Variants in KCNQ1 observed in about 807,000 individuals in gnomAD.
The protein encoded by KCNQ1 is potassium voltage-gated channel subfamily KQT member 1.
In KCNQ1, 49 loss-of-function variants were observed where a neutral mutation model predicts 72.4. The ratio of observed to expected loss-of-function variants is 0.68; its 90% confidence interval spans 0.54 to 0.86. The LOEUF is 0.86. Ranked by LOEUF, KCNQ1 falls within the 40% of genes least tolerant of loss-of-function variation. The pLI is 0.00. For missense variants in KCNQ1, 790 were observed against 945.1 expected (o/e 0.84, Z 2.15); for synonymous variants, 450 against 412.6 (o/e 1.09, Z -1.10).
intron 11 of KCNQ1, among the ~76,000 whole-genome samples, chr11:2,708,277 C>G (rs1186224186): frequency 6.6e-6 from 1 of 152,208 alleles, no homozygotes; most frequent in South Asian, 2.1e-4. Flanking sequence ...CAACAGGATC[C>G]CTTTCCTCAC....
At chr11:2,789,477 T>C (rs544664136) in intron 15 of KCNQ1, among the ~76,000 whole-genome samples, 1 of 152,330 alleles carries the variant, frequency 6.6e-6, no homozygotes, top group East Asian at 1.9e-4. Flanking sequence ...GCAGCCCCAG[T>C]GCCCGCCACA....
intron 2 of KCNQ1, among the ~76,000 whole-genome samples, chr11:2,542,131 C>T (rs926748228): frequency 1.3e-5 from 2 of 152,252 alleles, no homozygotes; most frequent in African/African-American, 2.4e-5. Context: ...GGTCCACACA[C>T]GTCACCAATC....
At chr11:2,582,245 G>T (rs1848511759) in intron 6 of KCNQ1, among the ~76,000 whole-genome samples, 1 of 152,220 alleles carries the variant, frequency 6.6e-6, no homozygotes, top group African/African-American at 2.4e-5. Flanking sequence ...GTGCGCCTGT[G>T]CACCCCTGCC....
rs141228496 is a variant in KCNQ1 at position 2,536,188 on chromosome 11, C to T, written c.477+8170C>T. Among the ~76,000 whole-genome samples the T allele has an allele frequency of 6.7e-3, 1,019 of 152,356 alleles. 9 individuals are homozygous for T. Among genetic ancestry groups the T allele is most frequent in the African/African-American group, 0.02 (817 of 41,586 alleles). ...GAGCTCAGGCTCAGGGCAGCAGGGGCGCTCAGCTGGGCCGCGGCTCCACGG... is the reference window on the plus strand; with the variant it reads ...GAGCTCAGGCTCAGGGCAGCAGGGGTGCTCAGCTGGGCCGCGGCTCCACGG... On this transcript the variant is annotated intron_variant, in intron 2 of 15. Coordinates refer to ENST00000155840, the MANE Select transcript of KCNQ1 (RefSeq NM_000218.3). The surrounding 1 kb of genome is among the most constrained non-coding windows in gnomAD (Gnocchi z 7.4).
At chr11:2,472,742 C>T (rs1228152167) in intron 1 of KCNQ1, among the ~76,000 whole-genome samples, 2 of 152,118 alleles carry the variant, frequency 1.3e-5, no homozygotes, top group Admixed American at 6.5e-5. Context: ...TGTCAGGCTC[C>T]TTCCCTGTCT....
chr11:2,819,967 A>G (rs1847697981), intron 15 of KCNQ1, among the ~76,000 whole-genome samples: 1 of 152,124 alleles, frequency 6.6e-6, no homozygotes, highest in African/African-American at 2.4e-5. Flanking sequence ...ATTCATTCCT[A>G]ATTCTTATTT....
chr11:2,838,922 G>C (rs1022315830), intron 15 of KCNQ1, among the ~76,000 whole-genome samples: 1 of 151,410 alleles, frequency 6.6e-6, no homozygotes, highest in East Asian at 1.9e-4. Context: ...CACAAACACG[G>C]CTCCTGGGCC....
intron 10 of KCNQ1, chr11:2,614,746 T>G (rs929886906): frequency 1.3e-5 from 5 of 398,338 alleles, no homozygotes; most frequent in Admixed American, 4.4e-5. Flanking sequence ...TCCATCCTTG[T>G]GTCCTAGAGA....
At position 2,571,416 on chromosome 11, in the gene KCNQ1, C is replaced by G. The variant is rs764124198; in HGVS notation, c.683+13C>G. 6.2e-7 allele frequency: 1 copy of G among 1,606,158 alleles called. No homozygotes were observed. Among genetic ancestry groups the G allele is most frequent in the Non-Finnish European group, 8.5e-7 (1 of 1,178,074 alleles). ...CGTCGGCCATCAGGTGCGTCTGTGCCACAAGCTCCCCCCGCCATGCCGCCC... is the reference window on the plus strand; with the variant it reads ...CGTCGGCCATCAGGTGCGTCTGTGCGACAAGCTCCCCCCGCCATGCCGCCC... On this transcript the variant is annotated intron_variant, in intron 4 of 15. Transcript: ENST00000155840.
At chr11:2,510,481 T>C (rs963891075) in intron 1 of KCNQ1, among the ~76,000 whole-genome samples, 23 of 150,114 alleles carry the variant, frequency 1.5e-4, no homozygotes, top group Admixed American at 4.6e-4. Context: ...GTGGCTCACA[T>C]CTGTAGTCCC....
intron 1 of KCNQ1, among the ~76,000 whole-genome samples, chr11:2,527,554 C>A (rs981097169): frequency 6.6e-6 from 1 of 152,218 alleles, no homozygotes; most frequent in Non-Finnish European, 1.5e-5. Flanking sequence ...AAACCCCACG[C>A]CCACAGCAGT....
intron 15 of KCNQ1, among the ~76,000 whole-genome samples, chr11:2,843,279 C>A (rs1848251212): frequency 6.6e-6 from 1 of 152,252 alleles, no homozygotes; most frequent in African/African-American, 2.4e-5. Context: ...CCACTTGTGC[C>A]CAGCTCCACA....
At position 2,603,584 on chromosome 11, in the gene KCNQ1, G is replaced by C. The variant is rs1471216047; in HGVS notation, c.1393+14730G>C. Among the ~76,000 whole-genome samples, 1 of 151,992 alleles carries C rather than the reference G, an allele frequency of 6.6e-6. No individual in the cohort carries two copies. Among genetic ancestry groups the C allele is most frequent in the African/African-American group, 2.4e-5 (1 of 41,372 alleles). Reference sequence around the variant, plus strand: ...GCAATAACTAATCTTTCTCTCTATGGGTTTGCCTATTCTGGACATTTTATA... The same window carrying C: ...GCAATAACTAATCTTTCTCTCTATGCGTTTGCCTATTCTGGACATTTTATA... On this transcript the variant is annotated intron_variant, in intron 10 of 15. Transcript: ENST00000155840. The surrounding 1 kb of genome is among the most constrained non-coding windows in gnomAD (Gnocchi z 4.1).
rs1850187390 is a variant in KCNQ1 at position 2,671,757 on chromosome 11, A to T, written c.1514+9676A>T. The T allele has an allele frequency of 5.0e-6, 2 of 398,692 alleles. No individual in the cohort carries two copies. The highest frequency in any genetic ancestry group is 4.1e-5 in the African/African-American group (2 of 48,748). 24.7% of individuals were successfully genotyped at this position (398,692 alleles called of 1,614,324 possible). ...AGAGAACAAGGAGCTACATACACATACATGCATGCACATAATCATTCTGAC... is the reference window on the plus strand; with the variant it reads ...AGAGAACAAGGAGCTACATACACATTCATGCATGCACATAATCATTCTGAC... On this transcript the variant is annotated intron_variant, in intron 11 of 15. Coordinates refer to ENST00000155840, the MANE Select transcript of KCNQ1 (RefSeq NM_000218.3). The surrounding 1 kb of genome is among the most constrained non-coding windows in gnomAD (Gnocchi z 4.7).
intron 1 of KCNQ1, chr11:2,461,379 G>A (rs1164801986): frequency 1.6e-6 from 2 of 1,229,262 alleles, no homozygotes; most frequent in Non-Finnish European, 2.1e-6. Context: ...AGGGAACCTT[G>A]AGTGTGGAGG....
At chr11:2,831,969 G>C (rs954009746) in intron 15 of KCNQ1, among the ~76,000 whole-genome samples, 2 of 152,098 alleles carry the variant, frequency 1.3e-5, no homozygotes, top group African/African-American at 4.8e-5. Context: ...GGCCCTGCCC[G>C]TGTACCAGGA....
At chr11:2,448,507 G>A (rs931616419) in intron 1 of KCNQ1, among the ~76,000 whole-genome samples, 4 of 152,224 alleles carry the variant, frequency 2.6e-5, no homozygotes, top group Admixed American at 2.6e-4. Context: ...CCAACTTTGT[G>A]GACTCCAGTG....
rs898478138 is a variant in KCNQ1 at position 2,516,191 on chromosome 11, C to T, written c.387-11737C>T. Among the ~76,000 whole-genome samples the T allele has an allele frequency of 2.6e-5, 4 of 152,048 alleles. No homozygotes were observed. Among genetic ancestry groups the T allele is most frequent in the African/African-American group, 4.8e-5 (2 of 41,390 alleles). On this transcript the variant is annotated intron_variant, in intron 1 of 15. Coordinates refer to ENST00000155840, the MANE Select transcript of KCNQ1 (RefSeq NM_000218.3). The surrounding 1 kb of genome is among the most constrained non-coding windows in gnomAD (Gnocchi z 7.0). ...TCAGGGAGACCCGGAGTCCAGTTCTCGCCAACCGCTCGATGCTGTGTGACT... is the reference window on the plus strand; with the variant it reads ...TCAGGGAGACCCGGAGTCCAGTTCTTGCCAACCGCTCGATGCTGTGTGACT...
chr11:2,533,856 C>T (rs1482607754), intron 2 of KCNQ1, among the ~76,000 whole-genome samples: 1 of 152,246 alleles, frequency 6.6e-6, no homozygotes. Context: ...AAAAGCACAA[C>T]ACAAACACGG....
Sources: allele counts gnomAD v4.1 joint callset (sites outside exome capture counted in the v4.1 genomes callset), GRCh38; gene constraint gnomAD v4.1.1; non-coding constraint Gnocchi (gnomAD v3.1); transcripts MANE v1.5; gene names NCBI Gene and HGNC (gene_info 2026-07-23, HGNC 2026-07-21).